GAS6: variants seen among roughly 807,000 people sequenced by gnomAD.
GAS6 encodes the protein growth arrest-specific protein 6.
GAS6 carries 41 observed loss-of-function variants against 75.8 expected under a neutral mutation model. The ratio of observed to expected loss-of-function variants is 0.54; its 90% CI spans 0.42 to 0.70. The LOEUF is 0.70. Ranked by LOEUF, GAS6 falls within the 30% of genes least tolerant of loss-of-function variation. The pLI is 0.00. For synonymous variants in GAS6, 432 were observed against 412.6 expected (o/e 1.05, Z -0.57); for missense variants, 854 against 940.2 (o/e 0.91, Z 1.20).
At chr13:113,861,941 C>T (rs575864015) in intron 2 of GAS6, among the ~76,000 whole-genome samples, 33 of 152,262 alleles carry the variant, frequency 2.2e-4, no homozygotes, top group African/African-American at 7.9e-4. Context: ...GGGATGCCTC[C>T]CGGGCACCAA....
chr13:113,825,019 G>A (rs897527449), intron 12 of GAS6, among the ~76,000 whole-genome samples: 5 of 152,084 alleles, frequency 3.3e-5, no homozygotes, highest in African/African-American at 4.8e-5. Context: ...GGGAGTTCGA[G>A]ACCAACCTGA....
At chr13:113,860,611 G>C (rs754136390) in intron 2 of GAS6, among the ~76,000 whole-genome samples, 3 of 152,242 alleles carry the variant, frequency 2.0e-5, no homozygotes, top group South Asian at 2.1e-4. Flanking sequence ...TTAGAAACTC[G>C]GGCAAGGAAC....
rs2051730946 is a variant in GAS6 at position 113,837,644 on chromosome 13, T to A, written c.589+425A>T. On this transcript the variant is annotated intron_variant, in intron 6 of 14. Transcript: ENST00000327773. This position sits in a 1 kb window ranked among gnomAD's most constrained non-coding sequence, Gnocchi z 5.1. ...AAAGGAAGTGGGGAGGGCAGGGCTATATTTAGTGGACAGAGGGAGACCAAC... is the reference window on the plus strand; with the variant it reads ...AAAGGAAGTGGGGAGGGCAGGGCTAAATTTAGTGGACAGAGGGAGACCAAC... 6.6e-6 allele frequency among the ~76,000 whole-genome samples: 1 copy of A among 152,074 alleles called. No individual in the cohort carries two copies. Among genetic ancestry groups the A allele is most frequent in the African/African-American group, 2.4e-5 (1 of 41,382 alleles).
intron 12 of GAS6, among the ~76,000 whole-genome samples, chr13:113,825,815 C>G (rs1186150953): frequency 7.0e-6 from 1 of 143,572 alleles, no homozygotes. Context: ...GCTTTTGACA[C>G]CCGGGGGGAG....
chr13:113,857,265 CGTCA>C (rs1368936102), intron 2 of GAS6, among the ~76,000 whole-genome samples: 2 of 152,172 alleles, frequency 1.3e-5, no homozygotes, highest in Admixed American at 1.3e-4. Context: ...AATCAACACC[CGTCA>C]GTCAGAGCAG....
intron 8 of GAS6, 189 bp from the exon 9 acceptor site, chr13:113,832,941 G>A: frequency 1.4e-6 from 2 of 1,476,018 alleles, no homozygotes; most frequent in Non-Finnish European, 1.8e-6. Context: ...TGAAGGGCGG[G>A]CTTGCAGCAG....
chr13:113,832,834 G>T lies in GAS6; in HGVS notation c.835-82C>A, dbSNP rs556312400. On this transcript the variant is annotated intron_variant, in intron 8 of 14. Coordinates refer to ENST00000327773, the MANE Select transcript of GAS6 (RefSeq NM_000820.4). Reference sequence around the variant, plus strand: ...GAGCCCCACGCCCCGGCCGCGCAGCGGGTCCACTGTCCCTCCTGTGCCTCG... The same window carrying T: ...GAGCCCCACGCCCCGGCCGCGCAGCTGGTCCACTGTCCCTCCTGTGCCTCG... The T allele has an allele frequency of 1.9e-6, 3 of 1,599,956 alleles. No homozygotes were observed. The East Asian group carries it at 6.7e-5, about 36-fold the overall frequency.
chr13:113,859,579 T>C (rs551079811), intron 2 of GAS6, among the ~76,000 whole-genome samples: 1 of 152,146 alleles, frequency 6.6e-6, no homozygotes, highest in South Asian at 2.1e-4. Context: ...AATGTGTGCA[T>C]ACGTATGTAC....
At chr13:113,857,694 A>G (rs1457635463) in intron 2 of GAS6, among the ~76,000 whole-genome samples, 1 of 152,236 alleles carries the variant, frequency 6.6e-6, no homozygotes, top group African/African-American at 2.4e-5. Flanking sequence ...AGCCATAAGC[A>G]CTTGCTTCCT....
chr13:113,858,877 CTA>C (rs768984131), intron 2 of GAS6, among the ~76,000 whole-genome samples: 3 of 131,000 alleles, frequency 2.3e-5, no homozygotes, highest in Non-Finnish European at 4.8e-5. Flanking sequence ...GTGTACATGA[CTA>C]TGTAAGTCTA....
chr13:113,856,984 C>A lies in GAS6; in HGVS notation c.255+6591G>T, dbSNP rs566149781. Among the ~76,000 whole-genome samples, 105 of 152,340 alleles carry A rather than the reference C, an allele frequency of 6.9e-4. 1 individual carries two copies. In the South Asian group the frequency reaches 0.012, roughly 18 times the overall value. Reference sequence around the variant, plus strand: ...TGGCCTTTTTATGCTGAGAATCCAGCCACTGCAGTGACCGGCCCAGGCTCT... The same window carrying A: ...TGGCCTTTTTATGCTGAGAATCCAGACACTGCAGTGACCGGCCCAGGCTCT... On this transcript the variant is annotated intron_variant, in intron 2 of 14. Coordinates refer to ENST00000327773, the MANE Select transcript of GAS6 (RefSeq NM_000820.4).
Position 113,863,941 on chromosome 13 carries a change from T to C in GAS6, c.-21A>G, listed in dbSNP as rs2051995365. ...GCCATGGCGGGCCGGGGACGCGCGG[T>C]CAGAGCGCCCGGGAGGCCGAGGCGA... is the stretch of plus-strand genomic sequence containing the variant. On this transcript the variant is annotated 5_prime_UTR_variant, in exon 1 of 15. An upstream open reading frame in the 5' UTR loses its in-frame stop. Coordinates refer to ENST00000327773, the MANE Select transcript of GAS6 (RefSeq NM_000820.4). This position sits in a 1 kb window ranked among gnomAD's most constrained non-coding sequence, Gnocchi z 9.4. 1 of 1,110,488 alleles carries C rather than the reference T, an allele frequency of 9.0e-7. No homozygotes were observed. The allele number at this position is 1,110,488 out of a possible 1,614,324, so 68.8% of individuals were successfully genotyped here.
Position 113,835,687 on chromosome 13 carries a change from G to T in GAS6, c.590-52C>A, listed in dbSNP as rs1049912473. On this transcript the variant is annotated intron_variant, in intron 6 of 14. Transcript: ENST00000327773. Reference sequence around the variant, plus strand: ...CGCAGCACAGCGGCATCTCAGACGGGGCTGGGGCAGGCGGCTGCAGGGACT... The same window carrying T: ...CGCAGCACAGCGGCATCTCAGACGGTGCTGGGGCAGGCGGCTGCAGGGACT... 3.1e-6 allele frequency: 5 copies of T among 1,592,032 alleles called. No individual in the cohort carries two copies. The Admixed American group carries it at 6.9e-5, about 22-fold the overall frequency.
intron 6 of GAS6, 176 bp from the exon 7 acceptor site, chr13:113,835,811 G>C (rs1424744692): frequency 2.1e-6 from 3 of 1,427,344 alleles, no homozygotes; most frequent in African/African-American, 1.4e-5. Context: ...CAGCTCCCGG[G>C]GTGTTGGTGC....
chr13:113,854,633 A>G (rs2051900310), intron 2 of GAS6, among the ~76,000 whole-genome samples: 1 of 152,280 alleles, frequency 6.6e-6, no homozygotes, highest in South Asian at 2.1e-4. Context: ...GCCCTGAGCC[A>G]GCACAGGCTC....
intron 2 of GAS6, among the ~76,000 whole-genome samples, chr13:113,850,082 T>A (rs1396710003): frequency 6.6e-6 from 1 of 152,176 alleles, no homozygotes; most frequent in Non-Finnish European, 1.5e-5. Flanking sequence ...ATAAAGACAT[T>A]TCACATTGTC....
In GAS6 at chr13:113,863,513, G is replaced by C. The variant is rs2138671693; in HGVS notation, c.255+62C>G. ...GGGGCGGCAGCAGCGCTGCCTCTCG[G>C]GAGCGGTTGGAGGCGCGCGGGCGCC... On this transcript the variant is annotated intron_variant, in intron 2 of 14. Transcript: ENST00000327773. This position sits in a 1 kb window ranked among gnomAD's most constrained non-coding sequence, Gnocchi z 9.4. The C allele has an allele frequency of 6.9e-7, 1 of 1,444,758 alleles. No homozygotes were observed. Among genetic ancestry groups the C allele is most frequent in the East Asian group, 3.0e-5 (1 of 32,980 alleles). 89.5% of individuals were successfully genotyped at this position (1,444,758 alleles called of 1,614,324 possible).
At chr13:113,834,192 ACCGGTGTGACAGGCC>A (rs914289620) in intron 8 of GAS6, among the ~76,000 whole-genome samples, 7 of 128,404 alleles carry the variant, frequency 5.5e-5, no homozygotes, top group African/African-American at 1.2e-4. Context: ...TGTGACAGGC[ACCGGTGTGACAGGCC>A]CCGGTGTGAC....
chr13:113,842,479 T>C, intron 4 of GAS6: 1 of 395,780 alleles, frequency 2.5e-6, no homozygotes, highest in Non-Finnish European at 4.4e-6. Flanking sequence ...TCCCTGACAC[T>C]GCTGTCGCCC....
Sources: allele counts gnomAD v4.1 joint callset (sites outside exome capture counted in the v4.1 genomes callset), GRCh38; gene constraint gnomAD v4.1.1; non-coding constraint Gnocchi (gnomAD v3.1); transcripts MANE v1.5; gene names NCBI Gene and HGNC (gene_info 2026-07-23, HGNC 2026-07-21).